The following CACNA2D3 variants were observed in gnomAD, a reference collection of about 807,000 sequenced individuals.
CACNA2D3 encodes voltage-dependent calcium channel subunit alpha-2/delta-3.
A neutral mutation model predicts 160.6 loss-of-function variants in CACNA2D3; 60 were observed. The observed-to-expected ratio is 0.37, with a 90% confidence interval of 0.30 to 0.46. The LOEUF is 0.46. CACNA2D3 is among the 20% of genes least tolerant of loss of function. The pLI is 1.00. For missense variants in CACNA2D3, 1,205 were observed against 1,365.0 expected (o/e 0.88, Z 1.85); for synonymous variants, 558 against 492.9 (o/e 1.13, Z -1.75).
At chr3:54,284,367 AGTTTT>A (rs1486865523) in intron 2 of CACNA2D3, among the ~76,000 whole-genome samples, 3 of 151,626 alleles carry the variant, frequency 2.0e-5, no homozygotes, top group Non-Finnish European at 4.4e-5. Flanking sequence ...TTTATAGGTT[AGTTTT>A]AATTTTATAT....
Position 54,888,048 on chromosome 3 carries a change from T to C in CACNA2D3, c.2146T>C (p.Ser716Pro). The change falls in exon 24 of 38, where the codon TCT becomes CCT. Residue 716 changes from serine to proline, a missense_variant. Ser to Pro is a moderately conservative substitution (Grantham distance 74). This residue lies in a region of CACNA2D3 where 911 missense variants were observed against 1,002.2 expected (regional missense o/e 0.91). Transcript: ENST00000474759. Reference protein sequence around the residue: ...AYWTSLALNKSENSDKGVEVA... With the variant: ...AYWTSLALNKPENSDKGVEVA... ...TTGGACCAGCCTGGCCCTCAACAAA[T>C]CTGAGTAAGTGGTTGCACGTGTCCT... The C allele has an allele frequency of 6.2e-7, 1 of 1,612,540 alleles. No homozygotes were observed. Among genetic ancestry groups the C allele is most frequent in the South Asian group, 1.1e-5 (1 of 91,028 alleles).
intron 17 of CACNA2D3, among the ~76,000 whole-genome samples, chr3:54,852,659 G>A (rs1350269433): frequency 6.6e-6 from 1 of 152,076 alleles, no homozygotes; most frequent in African/African-American, 2.4e-5. Context: ...GTTTGTTAGT[G>A]GTTATAGATG....
At chr3:54,370,829 G>A (rs1306395396) in intron 3 of CACNA2D3, among the ~76,000 whole-genome samples, 114 of 114,726 alleles carry the variant, frequency 9.9e-4, no homozygotes, top group African/African-American at 3.5e-3. Flanking sequence ...TCTCACCCCC[G>A]ACTCCAGAAA....
chr3:54,764,461 A>C, intron 13 of CACNA2D3, 110 bp downstream of exon 13: 1 of 1,333,998 alleles, frequency 7.5e-7, no homozygotes, highest in Non-Finnish European at 1.0e-6. Context: ...GTTCAGTGAC[A>C]CTTTTCTTGA....
At chr3:54,484,204 T>A (rs746581302) in intron 4 of CACNA2D3, among the ~76,000 whole-genome samples, 20 of 152,228 alleles carry the variant, frequency 1.3e-4, no homozygotes, top group Non-Finnish European at 2.2e-4. Flanking sequence ...ACACAGGAAC[T>A]ACATAACATT....
chr3:54,717,202 C>T (rs1261603897), intron 11 of CACNA2D3, among the ~76,000 whole-genome samples: 3 of 152,124 alleles, frequency 2.0e-5, no homozygotes, highest in African/African-American at 7.2e-5. Flanking sequence ...CTGGTATGGA[C>T]ATATCATTAT....
At chr3:54,526,534 A>G (rs984441835) in intron 5 of CACNA2D3, among the ~76,000 whole-genome samples, 3 of 151,936 alleles carry the variant, frequency 2.0e-5, no homozygotes, top group Admixed American at 6.6e-5. Flanking sequence ...AGTGAAGTCT[A>G]TTTCTTCCCT....
intron 5 of CACNA2D3, among the ~76,000 whole-genome samples, chr3:54,546,828 C>T (rs192014468): frequency 8.0e-4 from 122 of 152,292 alleles, no homozygotes; most frequent in African/African-American, 2.8e-3. Flanking sequence ...AATTTGTACT[C>T]TTTGTTTCTG....
At chr3:54,767,249 A>T (rs2107105133) in intron 13 of CACNA2D3, among the ~76,000 whole-genome samples, 1 of 152,308 alleles carries the variant, frequency 6.6e-6, no homozygotes, top group African/African-American at 2.4e-5. Flanking sequence ...TGAATAAAAA[A>T]TTTCTCAGAA....
intron 2 of CACNA2D3, among the ~76,000 whole-genome samples, chr3:54,150,093 C>T (rs1312625274): frequency 6.6e-6 from 1 of 151,180 alleles, no homozygotes; most frequent in Non-Finnish European, 1.5e-5. Flanking sequence ...TTGACCTTCT[C>T]TGGGGAAGTT....
rs74981404 is a variant in CACNA2D3, at chr3:54,823,452, A to T, written c.1398+6582A>T. 3.8e-3 allele frequency among the ~76,000 whole-genome samples: 571 copies of T among 152,220 alleles called. 4 individuals are homozygous for T. The highest frequency in any genetic ancestry group is 0.012 in the African/African-American group (501 of 41,520). ...ATAAAAGCCTTCAATAAAACATACC[A>T]CTACATACCAGTAACTTTCACACTT... On this transcript the variant is annotated intron_variant, in intron 14 of 37. Coordinates refer to ENST00000474759, the MANE Select transcript of CACNA2D3 (RefSeq NM_018398.3).
At chr3:54,812,924 G>A (rs1353100742) in intron 13 of CACNA2D3, among the ~76,000 whole-genome samples, 1 of 152,200 alleles carries the variant, frequency 6.6e-6, no homozygotes, top group Non-Finnish European at 1.5e-5. Context: ...AACTGATCAA[G>A]CATTTAGCCA....
At chr3:54,881,134 ACT>A (rs1427699100) in intron 21 of CACNA2D3, among the ~76,000 whole-genome samples, 1 of 152,112 alleles carries the variant, frequency 6.6e-6, no homozygotes, top group Non-Finnish European at 1.5e-5. Context: ...ACTATGAGTA[ACT>A]CACAGTCAAC....
At chr3:54,923,560 C>G (rs182643434) in intron 27 of CACNA2D3, among the ~76,000 whole-genome samples, 216 of 152,270 alleles carry the variant, frequency 1.4e-3, no homozygotes, top group African/African-American at 5.0e-3. Context: ...CTTTATTTAT[C>G]ATCTTATTTA....
chr3:54,544,655 C>A (rs1361000621), intron 5 of CACNA2D3, among the ~76,000 whole-genome samples: 3 of 152,164 alleles, frequency 2.0e-5, no homozygotes, highest in Non-Finnish European at 4.4e-5. Context: ...ATCTCAGCCT[C>A]CCAAAGCATT....
intron 17 of CACNA2D3, among the ~76,000 whole-genome samples, chr3:54,849,615 G>A (rs949448566): frequency 6.6e-6 from 1 of 152,162 alleles, no homozygotes; most frequent in African/African-American, 2.4e-5. Flanking sequence ...AGCTTCTCTG[G>A]CTAGCTCAGG....
intron 9 of CACNA2D3, among the ~76,000 whole-genome samples, chr3:54,582,132 A>G (rs1451179428): frequency 6.6e-6 from 1 of 152,218 alleles, no homozygotes; most frequent in East Asian, 1.9e-4. Context: ...ACACAATGCT[A>G]TGGTGTGCTT....
chr3:54,534,761 A>G (rs1436661116), intron 5 of CACNA2D3, among the ~76,000 whole-genome samples: 4 of 150,848 alleles, frequency 2.7e-5, no homozygotes, highest in Non-Finnish European at 5.9e-5. Flanking sequence ...TGTCTCTACA[A>G]AAAAAAAATA....
At chr3:54,694,728 A>G (rs556597606) in intron 11 of CACNA2D3, among the ~76,000 whole-genome samples, 8 of 152,342 alleles carry the variant, frequency 5.3e-5, no homozygotes, top group African/African-American at 1.9e-4. Context: ...CCTTCCCTGT[A>G]AGAGGGTCCA....
Sources: gnomAD v4.1 joint callset for allele counts (sites outside exome capture counted in the v4.1 genomes callset) on GRCh38, gnomAD v4.1.1 for gene constraint, gnomAD v4.1.1 regional missense constraint, MANE v1.5 for transcripts, NCBI Gene and HGNC (gene_info 2026-07-23, HGNC 2026-07-21) for gene names.